EPM2A: variants seen among roughly 807,000 people sequenced by gnomAD.
EPM2A encodes EPM2A glucan phosphatase, laforin.
In EPM2A, 21 loss-of-function variants were observed where a neutral mutation model predicts 26.5. That is an observed-to-expected ratio of 0.79 (90% CI 0.56 to 1.14). EPM2A has a LOEUF of 1.14. Ranked by LOEUF, EPM2A falls within the 50% of genes most tolerant of loss-of-function variation. The probability of loss-of-function intolerance (pLI) is 0.00; values close to 1 mark genes in which losing one functional copy is unlikely to be tolerated. For missense variants in EPM2A, 458 were observed against 440.8 expected, an observed-to-expected ratio of 1.04 and a Z score of -0.35; for synonymous variants, 217 against 177.6, an observed-to-expected ratio of 1.22 and a Z score of -1.76.
intron 2 of EPM2A, among the ~76,000 whole-genome samples, chr6:145,669,904 T>G (rs1779522195): frequency 6.6e-6 from 1 of 152,162 alleles, no homozygotes; most frequent in Non-Finnish European, 1.5e-5. Flanking sequence ...TCTCTTCTCA[T>G]TATCGTCTGA....
chr6:145,588,718 G>A (rs1047440102), intron 2 of EPM2A, among the ~76,000 whole-genome samples: 1 of 152,146 alleles, frequency 6.6e-6, no homozygotes, highest in African/African-American at 2.4e-5. Context: ...AGACGTTGAA[G>A]AGTTTAAAAT....
At chr6:145,622,102 T>A (rs1775649659), downstream of EPM2A, among the ~76,000 whole-genome samples, 1 of 152,188 alleles carries the variant, frequency 6.6e-6, no homozygotes, top group Admixed American at 6.5e-5. Flanking sequence ...TAACCTATTT[T>A]GGAGTGATTT....
chr6:145,671,194 TA>T (rs560059399), intron 2 of EPM2A: 113,064 of 632,420 alleles, frequency 0.18, 251 homozygotes, highest in Non-Finnish European at 0.2. Flanking sequence ...GCGAGCAAAG[TA>T]AAAAAAAAAA....
intron 2 of EPM2A, among the ~76,000 whole-genome samples, chr6:145,529,723 G>C (rs889531877): frequency 6.6e-6 from 1 of 152,090 alleles, no homozygotes; most frequent in Non-Finnish European, 1.5e-5. Context: ...CAAAAGGTTG[G>C]CAACACAGAG....
intron 2 of EPM2A, among the ~76,000 whole-genome samples, chr6:145,651,367 C>T (rs1200024510): frequency 2.6e-5 from 4 of 152,102 alleles, no homozygotes; most frequent in South Asian, 4.1e-4. Context: ...ATTTGTGGCA[C>T]CCTGATGAAA....
chr6:145,425,631 C>CAAAA (rs35954002), intron 4 of EPM2A, among the ~76,000 whole-genome samples: 1 of 137,158 alleles, frequency 7.3e-6, no homozygotes, highest in Non-Finnish European at 1.6e-5. Flanking sequence ...TTGAGAATGG[C>CAAAA]AAAAAAAAAA....
chr6:145,600,007 C>G (rs905563927), intron 2 of EPM2A, among the ~76,000 whole-genome samples: 6 of 152,018 alleles, frequency 3.9e-5, no homozygotes, highest in African/African-American at 9.7e-5. Context: ...TATTTTCTAA[C>G]ATGTCATTTC....
In EPM2A at chr6:145,459,855, T is replaced by C. The variant is rs1192256969; in HGVS notation, c.555+42667A>G. 3.3e-5 allele frequency among the ~76,000 whole-genome samples: 5 copies of C among 152,170 alleles called. 1 individual carries two copies. Among genetic ancestry groups the C allele is most frequent in the Non-Finnish European group, 7.3e-5 (5 of 68,028 alleles). On this transcript the variant is annotated intron_variant, in intron 4 of 4. Coordinates refer to the EPM2A transcript ENST00000638717. ...ATCCTTTATAATCTACTTTAGGAAG[T>C]GGTTTCCATAATTCATAAAATCATG...
At chr6:145,663,558 G>A (rs964478892) in intron 2 of EPM2A, among the ~76,000 whole-genome samples, 2 of 152,120 alleles carry the variant, frequency 1.3e-5, no homozygotes, top group African/African-American at 4.8e-5. Context: ...TGAAAGTGAT[G>A]CGGAGAATAG....
chr6:145,595,609 T>C (rs1781332588), intron 2 of EPM2A, among the ~76,000 whole-genome samples: 1 of 152,048 alleles, frequency 6.6e-6, no homozygotes, highest in Non-Finnish European at 1.5e-5. Flanking sequence ...TATTTCATGG[T>C]TTCATTGCTC....
At chr6:145,696,532 A>G (rs1010471839) in intron 1 of EPM2A, among the ~76,000 whole-genome samples, 17 of 152,176 alleles carry the variant, frequency 1.1e-4, no homozygotes, top group Middle Eastern at 3.2e-3. Context: ...TACCCCATAC[A>G]CATATACAAT....
intron 4 of EPM2A, among the ~76,000 whole-genome samples, chr6:145,488,514 T>TGAGAGA (rs1376858698): frequency 1.5e-5 from 2 of 131,466 alleles, no homozygotes; most frequent in African/African-American, 6.8e-5. Context: ...TGTGTGTGTG[T>TGAGAGA]GTGTGTGTGA....
chr6:145,722,712 G>T (rs1439065089), intron 1 of EPM2A: 1 of 444,918 alleles, frequency 2.2e-6, no homozygotes, highest in Non-Finnish European at 4.5e-6. Flanking sequence ...CTTATTTGAA[G>T]ATAGGATGTT....
chr6:145,565,786 G>A (rs1780876790), intron 2 of EPM2A, among the ~76,000 whole-genome samples: 1 of 152,108 alleles, frequency 6.6e-6, no homozygotes, highest in Non-Finnish European at 1.5e-5. Flanking sequence ...TATCCCTGAG[G>A]GGCTCTGGAA....
intron 4 of EPM2A, among the ~76,000 whole-genome samples, chr6:145,388,758 GCA>G (rs1778297653): frequency 1.3e-5 from 2 of 152,146 alleles, no homozygotes; most frequent in Non-Finnish European, 2.9e-5. Flanking sequence ...GTGAGAACAT[GCA>G]GTGTTTGGTT....
chr6:145,395,183 C>T (rs1220323170), intron 4 of EPM2A, among the ~76,000 whole-genome samples: 3 of 152,118 alleles, frequency 2.0e-5, no homozygotes, highest in Non-Finnish European at 4.4e-5. Flanking sequence ...ACAGAGCTTG[C>T]GTTTCCAACC....
intron 2 of EPM2A, among the ~76,000 whole-genome samples, chr6:145,558,208 C>T (rs973890300): frequency 6.6e-6 from 1 of 151,948 alleles, no homozygotes; most frequent in Non-Finnish European, 1.5e-5. Context: ...GGGTATAGAT[C>T]TCGTGAGACT....
At chr6:145,665,433 C>A (rs1420407130) in intron 2 of EPM2A, among the ~76,000 whole-genome samples, 1 of 101,516 alleles carries the variant, frequency 9.9e-6, no homozygotes, top group Non-Finnish European at 1.9e-5. Flanking sequence ...ATACATTCCT[C>A]GACACATACA....
chr6:145,449,276 G>GCAC (rs1315616895), intron 4 of EPM2A, among the ~76,000 whole-genome samples: 1 of 152,174 alleles, frequency 6.6e-6, no homozygotes, highest in Admixed American at 6.5e-5. Context: ...AGGAATGACA[G>GCAC]CACCAAAGAA....
Sources: gnomAD v4.1 joint callset for allele counts (sites outside exome capture counted in the v4.1 genomes callset) on GRCh38, gnomAD v4.1.1 for gene constraint, MANE v1.5 for transcripts, NCBI Gene and HGNC (gene_info 2026-07-23, HGNC 2026-07-21) for gene names.